DEPDC1B: variants seen among roughly 807,000 people sequenced by gnomAD.
DEPDC1B encodes the protein DEP domain containing 1B, also known as DEP domain-containing protein 1B.
A neutral mutation model predicts 66.5 loss-of-function variants in DEPDC1B; 51 were observed. The ratio of observed to expected loss-of-function variants is 0.77; its 90% CI spans 0.61 to 0.97. DEPDC1B has a LOEUF of 0.97. Among genes scored for constraint, DEPDC1B ranks in the 50% least tolerant of loss-of-function variants. The pLI, the probability that DEPDC1B is intolerant of heterozygous loss-of-function variation, is 0.00. For missense variants in DEPDC1B, 552 were observed against 637.1 expected, an observed-to-expected ratio of 0.87 and a Z score of 1.44; for synonymous variants, 226 against 223.6, an observed-to-expected ratio of 1.01 and a Z score of -0.10.
chr5:60,657,378 A>C (rs1753601911), intron 2 of DEPDC1B, among the ~76,000 whole-genome samples: 1 of 151,152 alleles, frequency 6.6e-6, no homozygotes, highest in East Asian at 1.9e-4. Flanking sequence ...TCACTGTTTT[A>C]CTGTTTTATA....
chr5:60,682,373 G>A (rs543707285), intron 2 of DEPDC1B, among the ~76,000 whole-genome samples: 36 of 152,290 alleles, frequency 2.4e-4, no homozygotes, highest in African/African-American at 7.7e-4. Context: ...TGTGGGGTGC[G>A]GGGAGCAGGG....
At chr5:60,606,916 C>A (rs1434770193) in intron 7 of DEPDC1B, among the ~76,000 whole-genome samples, 3 of 152,078 alleles carry the variant, frequency 2.0e-5, no homozygotes, top group Non-Finnish European at 4.4e-5. Flanking sequence ...CCAACCATTT[C>A]AAGTTACCAC....
intron 9 of DEPDC1B, 22 bp downstream of exon 9, chr5:60,603,369 C>G (rs777786460): frequency 6.7e-7 from 1 of 1,502,226 alleles, no homozygotes; most frequent in Non-Finnish European, 8.9e-7. Flanking sequence ...TTTCATAGAA[C>G]TGATAATATC....
intron 7 of DEPDC1B, among the ~76,000 whole-genome samples, chr5:60,611,012 T>C (rs1752405034): frequency 6.6e-6 from 1 of 152,228 alleles, no homozygotes; most frequent in Non-Finnish European, 1.5e-5. Context: ...TCACTTTAGT[T>C]GCTTTGCAGG....
chr5:60,664,145 G>A (rs1388071351), intron 2 of DEPDC1B, among the ~76,000 whole-genome samples: 1 of 152,192 alleles, frequency 6.6e-6, no homozygotes, highest in Non-Finnish European at 1.5e-5. Context: ...CCAGTGTTAA[G>A]CTTGCCAACG....
chr5:60,662,783 T>C (rs1753749967), intron 2 of DEPDC1B, among the ~76,000 whole-genome samples: 2 of 152,028 alleles, frequency 1.3e-5, no homozygotes, highest in African/African-American at 4.8e-5. Flanking sequence ...AGGAGCAGGA[T>C]TGAGGATGCC....
chr5:60,611,778 C>T (rs1433311064), intron 7 of DEPDC1B, among the ~76,000 whole-genome samples: 1 of 152,164 alleles, frequency 6.6e-6, no homozygotes, highest in Non-Finnish European at 1.5e-5. Flanking sequence ...TGGAATCTAG[C>T]AGAGGCTGGT....
intron 2 of DEPDC1B, among the ~76,000 whole-genome samples, chr5:60,665,283 C>G (rs1289567038): frequency 5.9e-5 from 9 of 152,162 alleles, no homozygotes; most frequent in Non-Finnish European, 1.2e-4. Flanking sequence ...ATTAATAGCA[C>G]CCATGATATG....
intron 7 of DEPDC1B, 37 bp downstream of exon 7, chr5:60,638,713 A>C (rs1469334849): frequency 2.6e-6 from 4 of 1,541,472 alleles, no homozygotes; most frequent in Admixed American, 2.1e-5. Context: ...ATTCAATATC[A>C]GTGATGTAGA....
intron 2 of DEPDC1B, among the ~76,000 whole-genome samples, chr5:60,676,734 C>T (rs1584094371): frequency 6.6e-6 from 1 of 152,148 alleles, no homozygotes. Flanking sequence ...GCTCCTCCTC[C>T]GTCTCCTTCC....
At chr5:60,637,736 G>A (rs1753075881) in intron 7 of DEPDC1B, among the ~76,000 whole-genome samples, 1 of 152,084 alleles carries the variant, frequency 6.6e-6, no homozygotes, top group Admixed American at 6.6e-5. Context: ...CTTTTAATTT[G>A]TTCCAATGTT....
intron 7 of DEPDC1B, among the ~76,000 whole-genome samples, chr5:60,636,805 G>A (rs1236980988): frequency 1.3e-5 from 2 of 152,104 alleles, no homozygotes; most frequent in Non-Finnish European, 2.9e-5. Flanking sequence ...ATATGCATTA[G>A]TGCATTCCTG....
intron 2 of DEPDC1B, among the ~76,000 whole-genome samples, chr5:60,674,942 C>A (rs1033898232): frequency 2.0e-5 from 3 of 152,182 alleles, no homozygotes; most frequent in Non-Finnish European, 4.4e-5. Flanking sequence ...CAGGAACAAT[C>A]TGGTCCTAAA....
At chr5:60,684,641 A>G (rs1373256570) in intron 2 of DEPDC1B, among the ~76,000 whole-genome samples, 1 of 152,222 alleles carries the variant, frequency 6.6e-6, no homozygotes, top group Admixed American at 6.5e-5. Context: ...TAAAACTACT[A>G]GAAGAAAACA....
chr5:60,694,883 G>A (rs1754620980), intron 1 of DEPDC1B, among the ~76,000 whole-genome samples: 1 of 152,090 alleles, frequency 6.6e-6, no homozygotes, highest in South Asian at 2.1e-4. Context: ...TGTTACAAAT[G>A]TTTTATCTTA....
At chr5:60,636,742 A>G (rs1196270068) in intron 7 of DEPDC1B, among the ~76,000 whole-genome samples, 1 of 152,150 alleles carries the variant, frequency 6.6e-6, no homozygotes, top group African/African-American at 2.4e-5. Context: ...AGATATCTCA[A>G]ATATATTCAC....
chr5:60,672,245 G>A (rs1428070943), intron 2 of DEPDC1B, among the ~76,000 whole-genome samples: 1 of 152,214 alleles, frequency 6.6e-6, no homozygotes, highest in Non-Finnish European at 1.5e-5. Context: ...TTCAATTTGA[G>A]CGCAAGTTAC....
chr5:60,691,707 CAT>C (rs1296946329), intron 1 of DEPDC1B, among the ~76,000 whole-genome samples: 2 of 151,880 alleles, frequency 1.3e-5, no homozygotes, highest in Non-Finnish European at 2.9e-5. Context: ...TGTCCTATAA[CAT>C]ATACAAAGAT....
chr5:60,650,473 T>G (rs1753423647), intron 2 of DEPDC1B, among the ~76,000 whole-genome samples: 1 of 152,120 alleles, frequency 6.6e-6, no homozygotes, highest in African/African-American at 2.4e-5. Flanking sequence ...CACTGGATGT[T>G]AGTAGCACCC....
Sources: allele counts gnomAD v4.1 joint callset (sites outside exome capture counted in the v4.1 genomes callset), GRCh38; gene constraint gnomAD v4.1.1; transcripts MANE v1.5; gene names NCBI Gene and HGNC (gene_info 2026-07-23, HGNC 2026-07-21).